The following CLEC5A variants were observed in gnomAD, a reference collection of about 807,000 sequenced individuals.
The protein encoded by CLEC5A is C-type lectin domain family 5 member A.
CLEC5A carries 15 observed loss-of-function variants against 24.4 expected under a neutral mutation model. That is an observed-to-expected ratio of 0.62 (90% CI 0.41 to 0.95). The LOEUF (loss-of-function observed/expected upper bound fraction) is 0.95. Ranked by LOEUF, CLEC5A falls within the 40% of genes least tolerant of loss-of-function variation. CLEC5A has a pLI of 0.00. For missense variants in CLEC5A, 211 were observed against 224.0 expected (o/e 0.94, Z 0.37); for synonymous variants, 71 against 72.6 (o/e 0.98, Z 0.11).
At chr7:141,943,454 A>C (rs1054489555) in intron 4 of CLEC5A, among the ~76,000 whole-genome samples, 4 of 151,906 alleles carry the variant, frequency 2.6e-5, no homozygotes, top group Non-Finnish European at 5.9e-5. Context: ...GGTATGGGGG[A>C]GAAGTGGGGC....
At chr7:141,943,663 A>G (rs1249990683) in intron 4 of CLEC5A, among the ~76,000 whole-genome samples, 2 of 152,182 alleles carry the variant, frequency 1.3e-5, no homozygotes. Context: ...TACATATTGC[A>G]TGCCTTTATC....
At chr7:141,933,264 C>G (rs929464031) in intron 5 of CLEC5A, among the ~76,000 whole-genome samples, 1 of 152,072 alleles carries the variant, frequency 6.6e-6, no homozygotes, top group African/African-American at 2.4e-5. Flanking sequence ...TGAGGTGATA[C>G]CTGAGATGAA....
At chr7:141,933,567 G>T (rs1554440634) in intron 5 of CLEC5A, among the ~76,000 whole-genome samples, 2 of 117,344 alleles carry the variant, frequency 1.7e-5, no homozygotes, top group African/African-American at 3.8e-5. Flanking sequence ...GCGAGTTTAG[G>T]GAGCAGGCAT....
intron 4 of CLEC5A, among the ~76,000 whole-genome samples, chr7:141,941,231 G>A (rs1802788693): frequency 6.6e-6 from 1 of 151,986 alleles, no homozygotes; most frequent in Admixed American, 6.6e-5. Context: ...CATTCATCAC[G>A]ACCAAGTGAG....
At chr7:141,939,434 A>G (rs984087711) in intron 4 of CLEC5A, among the ~76,000 whole-genome samples, 4 of 152,158 alleles carry the variant, frequency 2.6e-5, no homozygotes, top group African/African-American at 4.8e-5. Context: ...TACAGTAGAT[A>G]TATGAAAAAC....
chr7:141,931,159 A>T lies in CLEC5A; in HGVS notation c.452+561T>A, dbSNP rs1417083781. ...ATAACCTTTCTTAGATAAAGAAGGC[A>T]TATCTGGGGAAACTTGTATGTACTT... is the stretch of plus-strand genomic sequence containing the variant. On this transcript the variant is annotated intron_variant, in intron 6 of 6. Transcript: ENST00000546910. Among the ~76,000 whole-genome samples, 7 of 152,328 alleles carry T rather than the reference A, an allele frequency of 4.6e-5. No homozygotes were observed. In the East Asian group the frequency reaches 1.4e-3, roughly 29 times the overall value.
At chr7:141,939,975 A>G (rs1459223913) in intron 4 of CLEC5A, among the ~76,000 whole-genome samples, 3 of 152,184 alleles carry the variant, frequency 2.0e-5, no homozygotes, top group African/African-American at 4.8e-5. Context: ...ATAGTCTCCA[A>G]TATAATAATA....
At chr7:141,930,274 A>G in intron 6 of CLEC5A, 56 bp from the exon 7 acceptor site, 1 of 1,329,328 alleles carries the variant, frequency 7.5e-7, no homozygotes, top group Non-Finnish European at 1.1e-6. Context: ...AAGCATGGTG[A>G]TGGCCCATCA....
rs1802402453 is a variant in CLEC5A, at chr7:141,929,947, AT to A, written c.*156del. 1 of 596,226 alleles carries A rather than the reference AT, an allele frequency of 1.7e-6. No homozygotes were observed. Among genetic ancestry groups the A allele is most frequent in the African/African-American group, 1.9e-5 (1 of 53,292 alleles). The allele number at this position is 596,226 out of a possible 1,614,324, so 36.9% of individuals were successfully genotyped here. A position where few individuals can be genotyped will look rare whatever the true frequency, so the allele number is the denominator to read the frequency against. On this transcript the variant is annotated 3_prime_UTR_variant, in exon 7 of 7. Coordinates refer to ENST00000546910, the MANE Select transcript of CLEC5A (RefSeq NM_013252.3). ...ATCCTGTCTCCTGGAGATGGCTAGCATCCAGTCCCCCAGTGCAGAAGAAAGA... is the reference window on the plus strand; with the variant it reads ...ATCCTGTCTCCTGGAGATGGCTAGCACCAGTCCCCCAGTGCAGAAGAAAGA...
rs113306510 is a variant in CLEC5A at position 141,935,197 on chromosome 7, G to T, written c.345+617C>A. ...GCAAGAGTATAGTGTATGTAGCACAGATTAGAGTATGGGTTTTGGAGTCAG... is the reference window on the plus strand; with the variant it reads ...GCAAGAGTATAGTGTATGTAGCACATATTAGAGTATGGGTTTTGGAGTCAG... On this transcript the variant is annotated intron_variant, in intron 5 of 6. Transcript: ENST00000546910. Among the ~76,000 whole-genome samples, 661 of 152,320 alleles carry T rather than the reference G, an allele frequency of 4.3e-3. 5 individuals are homozygous for T. Among genetic ancestry groups the T allele is most frequent in the African/African-American group, 0.015 (636 of 41,574 alleles).
intron 5 of CLEC5A, among the ~76,000 whole-genome samples, chr7:141,933,582 A>G (rs1554440654): frequency 1.1e-4 from 1 of 9,446 alleles, no homozygotes; most frequent in Non-Finnish European, 4.2e-4. Flanking sequence ...AGGCATATAT[A>G]TATATATATA....
chr7:141,930,385 A>G (rs1664251638), intron 6 of CLEC5A, among the ~76,000 whole-genome samples, 167 bp from the exon 7 acceptor site: 1 of 152,148 alleles, frequency 6.6e-6, no homozygotes, highest in Admixed American at 6.5e-5. Context: ...CCATCTGCGT[A>G]GCCTCCTTTT....
intron 2 of CLEC5A, chr7:141,945,939 C>G (rs1554442090): frequency 2.4e-6 from 1 of 422,920 alleles, no homozygotes; most frequent in Non-Finnish European, 4.2e-6. Flanking sequence ...CAGCTGAGAT[C>G]ACCCAAATAA....
intron 4 of CLEC5A, among the ~76,000 whole-genome samples, chr7:141,937,264 TG>T (rs1802658562): frequency 6.6e-6 from 1 of 152,044 alleles, no homozygotes; most frequent in African/African-American, 2.4e-5. Flanking sequence ...ATAGCATTTC[TG>T]GACCTGCCCT....
chr7:141,936,978 T>G (rs77760993), intron 4 of CLEC5A, among the ~76,000 whole-genome samples: 1,907 of 152,012 alleles, frequency 0.013, 57 homozygotes, highest in South Asian at 0.11. Context: ...TCCTCTGTCT[T>G]GAAGATAAGT....
At chr7:141,941,359 AT>A (rs1430128061) in intron 4 of CLEC5A, among the ~76,000 whole-genome samples, 8 of 152,118 alleles carry the variant, frequency 5.3e-5, no homozygotes, top group African/African-American at 1.9e-4. Flanking sequence ...CTGATAAATT[AT>A]TTGATAAAAG....
In CLEC5A at chr7:141,946,820, G is replaced by C. The variant is rs1554442193; in HGVS notation, c.-34C>G. On this transcript the variant is annotated 5_prime_UTR_variant, in exon 1 of 7. Coordinates refer to ENST00000546910, the MANE Select transcript of CLEC5A (RefSeq NM_013252.3). ...AGACAGACTCACCTCTTTCTCCCTG[G>C]AAGGCTAGGCTTGCTTGCAGATGGG... 2 of 152,720 alleles carry C rather than the reference G, an allele frequency of 1.3e-5. No homozygotes were observed. Among genetic ancestry groups the C allele is most frequent in the African/African-American group, 4.8e-5 (2 of 41,468 alleles). The allele number at this position is 152,720 out of a possible 1,614,324, so 9.5% of individuals were successfully genotyped here.
At chr7:141,936,067 A>C (rs1802615014) in intron 4 of CLEC5A, 117 bp from the exon 5 acceptor site, 1 of 838,906 alleles carries the variant, frequency 1.2e-6, no homozygotes, top group Admixed American at 2.3e-5. Flanking sequence ...ATATTGGTAA[A>C]AATTATTCTC....
At chr7:141,939,817 C>A (rs1169512557) in intron 4 of CLEC5A, among the ~76,000 whole-genome samples, 2 of 151,894 alleles carry the variant, frequency 1.3e-5, no homozygotes, top group Non-Finnish European at 2.9e-5. Context: ...GATCTTGAGA[C>A]AAAAACTGTA....
Sources: allele counts gnomAD v4.1 joint callset (sites outside exome capture counted in the v4.1 genomes callset), GRCh38; gene constraint gnomAD v4.1.1; transcripts MANE v1.5; gene names NCBI Gene and HGNC (gene_info 2026-07-23, HGNC 2026-07-21).